The following STOML3 variants were observed in gnomAD, a reference collection of about 807,000 sequenced individuals.
The protein encoded by STOML3 is stomatin like 3, also known as stomatin-like protein 3.
In STOML3, 31 loss-of-function variants were observed where a neutral mutation model predicts 29.5. That is an observed-to-expected ratio of 1.05 (90% confidence interval 0.79 to 1.42). STOML3 has a LOEUF of 1.42. STOML3 is among the 40% of genes most tolerant of loss of function. The pLI, the probability that STOML3 is intolerant of heterozygous loss-of-function variation, is 0.00. For synonymous variants in STOML3, 122 were observed against 139.8 expected, an observed-to-expected ratio of 0.87 and a Z score of 0.90; for missense variants, 380 against 363.0, an observed-to-expected ratio of 1.05 and a Z score of -0.38.
chr13:38,986,334 C>T (rs201007210), intron 1 of STOML3, among the ~76,000 whole-genome samples: 2 of 151,954 alleles, frequency 1.3e-5, no homozygotes, highest in Non-Finnish European at 2.9e-5. Context: ...TATACCTAGC[C>T]TATATTTACC....
intron 4 of STOML3, among the ~76,000 whole-genome samples, chr13:38,970,909 T>C (rs1444502220): frequency 6.6e-6 from 1 of 152,176 alleles, no homozygotes. Context: ...CAGGATGTTT[T>C]GGAGCAAATG....
At chr13:38,969,663 G>A (rs1334979216) in intron 5 of STOML3, among the ~76,000 whole-genome samples, 1 of 152,132 alleles carries the variant, frequency 6.6e-6, no homozygotes, top group Non-Finnish European at 1.5e-5. Context: ...GTGTGTGTGA[G>A]AGATGAGATC....
intron 6 of STOML3, among the ~76,000 whole-genome samples, chr13:38,967,923 A>C (rs1339617580): frequency 6.6e-6 from 1 of 152,126 alleles, no homozygotes; most frequent in Non-Finnish European, 1.5e-5. Flanking sequence ...GATTGTATTT[A>C]ATTGCCCCCT....
chr13:38,966,430 G>T lies in STOML3; in HGVS notation c.*395C>A. On this transcript the variant is annotated 3_prime_UTR_variant, in exon 7 of 7. Transcript: ENST00000379631. The stretch of plus-strand genomic sequence containing the variant: ...CGGAATTATAAAGCGAACATATAGT[G>T]TAAATATGAGGCCTATGTTACTCTA... 6.4e-6 allele frequency: 1 copy of T among 155,504 alleles called. No homozygotes were observed. The highest frequency in any genetic ancestry group is 1.4e-5 in the Non-Finnish European group (1 of 71,096). 9.6% of individuals were successfully genotyped at this position (155,504 alleles called of 1,614,324 possible). A position where few individuals can be genotyped will look rare whatever the true frequency, so the allele number is the denominator to read the frequency against.
chr13:38,986,569 T>G (rs993397200), intron 1 of STOML3, among the ~76,000 whole-genome samples: 1 of 152,112 alleles, frequency 6.6e-6, no homozygotes, highest in Non-Finnish European at 1.5e-5. Context: ...AATAGAACTT[T>G]AGCAAATTTC....
chr13:38,972,331 G>A (rs1391395453), intron 4 of STOML3, among the ~76,000 whole-genome samples, 181 bp downstream of exon 4: 1 of 152,118 alleles, frequency 6.6e-6, no homozygotes, highest in Admixed American at 6.5e-5. Context: ...TTCTCATTTG[G>A]CAAAACACAT....
chr13:38,972,444 T>G, intron 4 of STOML3, 68 bp downstream of exon 4: 4 of 1,483,764 alleles, frequency 2.7e-6, no homozygotes, highest in Admixed American at 3.5e-5. Flanking sequence ...ACTATAAAAT[T>G]GTAATTGTCC....
intron 1 of STOML3, among the ~76,000 whole-genome samples, chr13:38,977,094 C>T (rs1360522408): frequency 6.6e-6 from 1 of 152,170 alleles, no homozygotes. Flanking sequence ...TCTCAAAACA[C>T]ATAAACAGTG....
At chr13:38,985,911 C>CTTTTTTTTTTTTTTTTTT (rs1170409048) in intron 1 of STOML3, among the ~76,000 whole-genome samples, 18 of 85,604 alleles carry the variant, frequency 2.1e-4, no homozygotes, top group South Asian at 5.1e-4. Flanking sequence ...TCTTTTCTTT[C>CTTTTTTTTTTTTTTTTTT]TTTTTTTTTT....
intron 1 of STOML3, among the ~76,000 whole-genome samples, chr13:38,988,062 T>G (rs192480926): frequency 9.9e-4 from 108 of 109,578 alleles, no homozygotes; most frequent in African/African-American, 3.6e-3. Context: ...TATAATATAT[T>G]ATATTTTATA....
At chr13:38,979,305 T>C (rs548673260) in intron 1 of STOML3, among the ~76,000 whole-genome samples, 1 of 152,190 alleles carries the variant, frequency 6.6e-6, no homozygotes, top group Non-Finnish European at 1.5e-5. Context: ...TAGTGCTTTT[T>C]TAGTATTCAT....
intron 4 of STOML3, among the ~76,000 whole-genome samples, chr13:38,970,887 T>C (rs1880840164): frequency 6.6e-6 from 1 of 152,184 alleles, no homozygotes; most frequent in South Asian, 2.1e-4. Context: ...TCAATCATTC[T>C]GAATAATGTG....
At chr13:38,974,230 T>C (rs903731600) in intron 3 of STOML3, among the ~76,000 whole-genome samples, 5 of 152,094 alleles carry the variant, frequency 3.3e-5, no homozygotes, top group African/African-American at 9.7e-5. Flanking sequence ...CTAATATATT[T>C]CCATTAATCA....
At chr13:38,988,062 T>C (rs192480926) in intron 1 of STOML3, among the ~76,000 whole-genome samples, 1 of 109,650 alleles carries the variant, frequency 9.1e-6, no homozygotes, top group Non-Finnish European at 1.7e-5. Flanking sequence ...TATAATATAT[T>C]ATATTTTATA....
intron 3 of STOML3, among the ~76,000 whole-genome samples, chr13:38,974,148 TG>T (rs1372257183): frequency 6.6e-6 from 1 of 152,144 alleles, no homozygotes; most frequent in Non-Finnish European, 1.5e-5. Flanking sequence ...AACATTAACC[TG>T]GTGAATGTTG....
At position 38,990,661 on chromosome 13, in the gene STOML3, G is replaced by A. The variant is rs773578657; in HGVS notation, c.52+9C>T. Reference sequence around the variant, plus strand: ...AAAAACAAGCCTAAGACAGGAAAAAGGAACTTACCCACGAAATTCTCTTTA... The same window carrying A: ...AAAAACAAGCCTAAGACAGGAAAAAAGAACTTACCCACGAAATTCTCTTTA... On this transcript the variant is annotated intron_variant, in intron 1 of 6. Coordinates refer to ENST00000379631, the MANE Select transcript of STOML3 (RefSeq NM_145286.3). 6.2e-7 allele frequency: 1 copy of A among 1,613,782 alleles called. No individual in the cohort carries two copies. Among genetic ancestry groups the A allele is most frequent in the East Asian group, 2.2e-5 (1 of 44,846 alleles).
chr13:38,988,165 A>C lies in STOML3; in HGVS notation c.52+2505T>G, dbSNP rs193016441. On this transcript the variant is annotated intron_variant, in intron 1 of 6. Transcript: ENST00000379631. Reference sequence around the variant, plus strand: ...ATATTTTATATCATATATTTTATATATAATATATTATATTTTATATAAAAT... The same window carrying C: ...ATATTTTATATCATATATTTTATATCTAATATATTATATTTTATATAAAAT... Among the ~76,000 whole-genome samples the C allele has an allele frequency of 9.5e-3, 669 of 70,380 alleles. 19 individuals carry two copies. The highest frequency in any genetic ancestry group is 0.026 in the East Asian group (49 of 1,870). 46.2% of individuals were successfully genotyped at this position (70,380 alleles called of 152,430 possible).
chr13:38,972,668 G>A, intron 3 of STOML3, 74 bp from the exon 4 acceptor site: 4 of 1,317,322 alleles, frequency 3.0e-6, no homozygotes, highest in Non-Finnish European at 4.3e-6. Context: ...GCAGCATAGT[G>A]CATCATTTAC....
At chr13:38,989,180 A>C (rs989409951) in intron 1 of STOML3, among the ~76,000 whole-genome samples, 1 of 151,880 alleles carries the variant, frequency 6.6e-6, no homozygotes, top group Admixed American at 6.6e-5. Flanking sequence ...CAAATATATC[A>C]GCCCCATTTT....
Sources: allele counts gnomAD v4.1 joint callset (sites outside exome capture counted in the v4.1 genomes callset), GRCh38; gene constraint gnomAD v4.1.1; transcripts MANE v1.5; gene names NCBI Gene and HGNC (gene_info 2026-07-23, HGNC 2026-07-21).